ADAMTS3: variants seen among roughly 807,000 people sequenced by gnomAD.
ADAMTS3 encodes the protein ADAM metallopeptidase with thrombospondin type 1 motif 3.
Under a neutral mutation model 129.0 loss-of-function variants are expected in ADAMTS3, and 73 were observed. The observed-to-expected ratio is 0.57, with a 90% CI of 0.47 to 0.69. The LOEUF (loss-of-function observed/expected upper bound fraction) is 0.69. Among genes scored for constraint, ADAMTS3 ranks in the 30% least tolerant of loss-of-function variants. The pLI is 0.00. For synonymous variants in ADAMTS3, 477 were observed against 510.8 expected (o/e 0.93, Z 0.89); for missense variants, 1,457 against 1,514.5 (o/e 0.96, Z 0.63).
chr4:72,320,933 T>C, intron 6 of ADAMTS3, 63 bp from the exon 7 acceptor site: 7 of 1,519,380 alleles, frequency 4.6e-6, no homozygotes, highest in African/African-American at 1.4e-5. Context: ...GTTTGATAAT[T>C]TCCTCTGAAG....
intron 3 of ADAMTS3, among the ~76,000 whole-genome samples, chr4:72,443,076 G>T (rs912563124): frequency 1.3e-5 from 2 of 151,658 alleles, no homozygotes; most frequent in Admixed American, 6.6e-5. Flanking sequence ...CTCAGTTAAT[G>T]TGTCAAATAA....
At chr4:72,541,983 T>C in intron 3 of ADAMTS3, among the ~76,000 whole-genome samples, 1 of 152,350 alleles carries the variant, frequency 6.6e-6, no homozygotes, top group East Asian at 1.9e-4. Context: ...AATGATTAAC[T>C]TTTAATTAGA....
chr4:72,520,968 C>G (rs1303300184), intron 3 of ADAMTS3, among the ~76,000 whole-genome samples: 1 of 151,898 alleles, frequency 6.6e-6, no homozygotes, highest in African/African-American at 2.4e-5. Flanking sequence ...AGCGCTGTTC[C>G]TATTCGGCCA....
chr4:72,529,707 TAA>T (rs1488879402), intron 3 of ADAMTS3, among the ~76,000 whole-genome samples: 198 of 116,432 alleles, frequency 1.7e-3, no homozygotes, highest in African/African-American at 6.1e-3. Flanking sequence ...ATATTAATAT[TAA>T]ATATAATATA....
chr4:72,542,217 A>T lies in ADAMTS3; in HGVS notation c.504+6261T>A, dbSNP rs185761948. On this transcript the variant is annotated intron_variant, in intron 3 of 21. Transcript: ENST00000286657. Reference sequence around the variant, plus strand: ...TCTTGCTCTGTCGCCTAGGCTGGAGAGCAGTGGTGCAATCTCAGCTCACTG... The same window carrying T: ...TCTTGCTCTGTCGCCTAGGCTGGAGTGCAGTGGTGCAATCTCAGCTCACTG... 3.1e-3 allele frequency among the ~76,000 whole-genome samples: 474 copies of T among 152,114 alleles called. 4 individuals carry two copies. The highest frequency in any genetic ancestry group is 4.8e-3 in the Admixed American group (73 of 15,296).
chr4:72,389,640 G>A (rs1360104442), intron 4 of ADAMTS3, among the ~76,000 whole-genome samples: 1 of 152,076 alleles, frequency 6.6e-6, no homozygotes, highest in East Asian at 1.9e-4. Context: ...ACTCAAATGT[G>A]CCAACGTTAA....
At chr4:72,370,126 T>G (rs2109865858) in intron 4 of ADAMTS3, among the ~76,000 whole-genome samples, 1 of 152,254 alleles carries the variant, frequency 6.6e-6, no homozygotes, top group African/African-American at 2.4e-5. Flanking sequence ...TAGAGCCCGG[T>G]CATTTTATGG....
chr4:72,476,867 A>G (rs1719249038), intron 3 of ADAMTS3, among the ~76,000 whole-genome samples: 1 of 152,170 alleles, frequency 6.6e-6, no homozygotes, highest in African/African-American at 2.4e-5. Flanking sequence ...ACTTTCAAGA[A>G]TCAATCAATG....
intron 2 of ADAMTS3, among the ~76,000 whole-genome samples, chr4:72,560,218 C>CCA (rs1491505882): frequency 1.0e-4 from 2 of 19,720 alleles, no homozygotes; most frequent in Non-Finnish European, 2.9e-4. Context: ...AAACCCAAAA[C>CCA]TATAAAAAAA....
At chr4:72,404,486 C>T (rs1202629967) in intron 4 of ADAMTS3, among the ~76,000 whole-genome samples, 3 of 152,030 alleles carry the variant, frequency 2.0e-5, no homozygotes, top group African/African-American at 7.2e-5. Context: ...CCTCATCTTA[C>T]ACCATAAACA....
intron 4 of ADAMTS3, among the ~76,000 whole-genome samples, chr4:72,377,571 T>A (rs1280510486): frequency 6.6e-6 from 1 of 152,154 alleles, no homozygotes; most frequent in Non-Finnish European, 1.5e-5. Context: ...TCTATATGTG[T>A]CTCTCTGTTC....
intron 17 of ADAMTS3, among the ~76,000 whole-genome samples, chr4:72,303,492 T>C (rs868414613): frequency 3.3e-5 from 5 of 152,040 alleles, no homozygotes; most frequent in Non-Finnish European, 4.4e-5. Context: ...TTTCAGATCA[T>C]TGACAGATGA....
At chr4:72,363,543 T>G (rs753708303) in intron 4 of ADAMTS3, among the ~76,000 whole-genome samples, 1 of 152,110 alleles carries the variant, frequency 6.6e-6, no homozygotes, top group African/African-American at 2.4e-5. Context: ...ATTTTAAAAT[T>G]TATGTGTAAA....
At chr4:72,523,941 T>G (rs551661436) in intron 3 of ADAMTS3, among the ~76,000 whole-genome samples, 12 of 152,162 alleles carry the variant, frequency 7.9e-5, no homozygotes, top group Non-Finnish European at 7.4e-5. Context: ...CTAATTTGCC[T>G]CTAAAGATCT....
At chr4:72,566,210 G>A (rs141928403) in intron 2 of ADAMTS3, among the ~76,000 whole-genome samples, 2 of 152,252 alleles carry the variant, frequency 1.3e-5, no homozygotes, top group Non-Finnish European at 2.9e-5. Flanking sequence ...GCTAAGCACT[G>A]AGTAGGAAGG....
At chr4:72,301,875 G>C (rs545335587) in intron 17 of ADAMTS3, among the ~76,000 whole-genome samples, 3 of 152,164 alleles carry the variant, frequency 2.0e-5, no homozygotes, top group Non-Finnish European at 4.4e-5. Context: ...CCTGCTTAGA[G>C]AGATCACCTA....
At chr4:72,343,335 A>C (rs1195849824) in intron 4 of ADAMTS3, among the ~76,000 whole-genome samples, 1 of 152,104 alleles carries the variant, frequency 6.6e-6, no homozygotes, top group African/African-American at 2.4e-5. Flanking sequence ...TCACCTAGCA[A>C]GTTTCTAGCT....
chr4:72,398,255 G>A (rs1412697465), intron 4 of ADAMTS3, among the ~76,000 whole-genome samples: 3 of 152,010 alleles, frequency 2.0e-5, no homozygotes, highest in South Asian at 4.2e-4. Context: ...TGGTAACAAT[G>A]TTGATAAAAT....
Position 72,315,953 on chromosome 4 carries a change from A to C in ADAMTS3, c.1504T>G (p.Cys502Gly). The change falls in exon 11 of 22, where the codon TGT becomes GGT. Residue 502 changes from cysteine (C) to glycine (G), a missense_variant. By Grantham distance (159) the Cys-to-Gly change is radical. Coordinates refer to ENST00000286657, the MANE Select transcript of ADAMTS3 (RefSeq NM_014243.3). Reference protein sequence around the residue: ...MCTAFRTFDPCKQLWCSHPDN... With the variant: ...MCTAFRTFDPGKQLWCSHPDN... Reference sequence around the variant, plus strand: ...GGATGGCTACACCACAGCTGTTTACATGGGTCAAAGGTTCGGAACTGGAAG... The same window carrying C: ...GGATGGCTACACCACAGCTGTTTACCTGGGTCAAAGGTTCGGAACTGGAAG... 1.2e-6 allele frequency: 2 copies of C among 1,612,350 alleles called. No homozygotes were observed. The highest frequency in any genetic ancestry group is 1.7e-6 in the Non-Finnish European group (2 of 1,179,110).
Sources: gnomAD v4.1 joint callset for allele counts (sites outside exome capture counted in the v4.1 genomes callset) on GRCh38, gnomAD v4.1.1 for gene constraint, MANE v1.5 for transcripts, NCBI Gene and HGNC (gene_info 2026-07-23, HGNC 2026-07-21) for gene names.